GIGYF2: variants seen among roughly 807,000 people sequenced by gnomAD.
GIGYF2 encodes the protein GRB10-interacting GYF protein 2.
A neutral mutation model predicts 208.1 loss-of-function variants in GIGYF2; 25 were observed. That is an observed-to-expected ratio of 0.12 (90% CI 0.09 to 0.17). The LOEUF (loss-of-function observed/expected upper bound fraction) is 0.17. Ranked by LOEUF, GIGYF2 falls within the 10% of genes least tolerant of loss-of-function variation. GIGYF2 has a pLI of 1.00. For missense variants in GIGYF2, 1,302 were observed against 1,579.4 expected, an observed-to-expected ratio of 0.82 and a Z score of 2.98; for synonymous variants, 534 against 543.8, an observed-to-expected ratio of 0.98 and a Z score of 0.25.
intron 8 of GIGYF2, among the ~76,000 whole-genome samples, chr2:232,763,390 A>G (rs1254489493): frequency 6.6e-6 from 1 of 152,200 alleles, no homozygotes; most frequent in Admixed American, 6.5e-5. Context: ...GAAACCACAG[A>G]TAGTACTGAA....
At chr2:232,719,074 ACT>A (rs1574789866) in intron 2 of GIGYF2, 1 of 151,188 alleles carries the variant, frequency 6.6e-6, no homozygotes, top group African/African-American at 2.4e-5. Flanking sequence ...CTCACTGCAA[ACT>A]CTGCCTTCGA....
At chr2:232,833,855 GTGT>G (rs1701499053) in intron 22 of GIGYF2, among the ~76,000 whole-genome samples, 1 of 151,848 alleles carries the variant, frequency 6.6e-6, no homozygotes, top group Admixed American at 6.6e-5. Flanking sequence ...TATATACAAA[GTGT>G]TGTTTTAAAG....
chr2:232,713,524 C>G (rs542465187), intron 2 of GIGYF2, among the ~76,000 whole-genome samples: 1 of 152,166 alleles, frequency 6.6e-6, no homozygotes, highest in Admixed American at 6.5e-5. Flanking sequence ...AATTAATAAA[C>G]CAATGTTGAT....
rs190658093 is a variant in GIGYF2 at position 232,739,463 on chromosome 2, A to G, written c.41+4225A>G. 3.4e-5 allele frequency among the ~76,000 whole-genome samples: 5 copies of G among 148,874 alleles called. No individual in the cohort carries two copies. In the East Asian group the frequency reaches 1.0e-3, roughly 30 times the overall value. Reference sequence around the variant, plus strand: ...AGAGGCATGAGGATCACTTGAGCCCAGAAGTTCGAAACAAGCCTCGGCAAC... The same window carrying G: ...AGAGGCATGAGGATCACTTGAGCCCGGAAGTTCGAAACAAGCCTCGGCAAC... On this transcript the variant is annotated intron_variant, in intron 3 of 28. Coordinates refer to ENST00000373563, the MANE Select transcript of GIGYF2 (RefSeq NM_001103146.3).
At chr2:232,727,455 T>C (rs1697250924) in intron 2 of GIGYF2, among the ~76,000 whole-genome samples, 1 of 152,168 alleles carries the variant, frequency 6.6e-6, no homozygotes, top group South Asian at 2.1e-4. Flanking sequence ...GAATGTGAAG[T>C]ATGGAGGGAT....
chr2:232,703,779 T>G (rs1221140615), intron 2 of GIGYF2, among the ~76,000 whole-genome samples: 1 of 152,230 alleles, frequency 6.6e-6, no homozygotes, highest in Non-Finnish European at 1.5e-5. Flanking sequence ...CAAAGAGCAG[T>G]TGACTTCATG....
chr2:232,714,035 C>T (rs1390192901), intron 2 of GIGYF2, among the ~76,000 whole-genome samples: 4 of 151,272 alleles, frequency 2.6e-5, no homozygotes, highest in Non-Finnish European at 4.4e-5. Flanking sequence ...CTGCAAGCTA[C>T]GCTTCCCGGG....
chr2:232,707,371 A>G (rs1173473051), intron 2 of GIGYF2, among the ~76,000 whole-genome samples: 2 of 152,114 alleles, frequency 1.3e-5, no homozygotes, highest in Admixed American at 6.6e-5. Flanking sequence ...GTACAACAAG[A>G]ATTTGGTTGT....
rs1257467077 is a variant in GIGYF2, at chr2:232,860,485, ACCCTAC to A, written c.*3626_*3631del. The stretch of plus-strand genomic sequence containing the variant: ...TATGTTATATACGTATATATATTGC[ACCCTAC>A]TTTAAAATTGACTGATAACAAAATT... On this transcript the variant is annotated 3_prime_UTR_variant, in exon 29 of 29. Coordinates refer to ENST00000373563, the MANE Select transcript of GIGYF2 (RefSeq NM_001103146.3). The A allele has an allele frequency of 2.6e-5, 4 of 150,964 alleles. No homozygotes were observed. The highest frequency in any genetic ancestry group is 5.9e-5 in the Non-Finnish European group (4 of 67,826). 9.4% of individuals were successfully genotyped at this position (150,964 alleles called of 1,614,324 possible). A position where few individuals can be genotyped will look rare whatever the true frequency, so the allele number is the denominator to read the frequency against.
At chr2:232,735,808 C>G (rs1368151929) in intron 3 of GIGYF2, 1 of 985,506 alleles carries the variant, frequency 1.0e-6, no homozygotes, top group Non-Finnish European at 1.2e-6. Flanking sequence ...ATTTTGAGAT[C>G]CATCACATTG....
intron 8 of GIGYF2, among the ~76,000 whole-genome samples, chr2:232,779,559 A>G (rs1699641970): frequency 6.6e-6 from 1 of 152,162 alleles, no homozygotes; most frequent in South Asian, 2.1e-4. Context: ...GAAGATGCCT[A>G]GTCTCTTTCC....
At chr2:232,768,328 C>T (rs1429317019) in intron 8 of GIGYF2, 1 of 1,614,168 alleles carries the variant, frequency 6.2e-7, no homozygotes, top group Non-Finnish European at 8.5e-7. Flanking sequence ...TCAAAATTCT[C>T]CATCTTGATT....
intron 3 of GIGYF2, among the ~76,000 whole-genome samples, chr2:232,738,949 T>C (rs943109948): frequency 6.6e-5 from 10 of 152,224 alleles, no homozygotes; most frequent in African/African-American, 2.2e-4. Context: ...ATTTTTTTGG[T>C]GCTAAACTCC....
chr2:232,807,191 G>T (rs1293719449), intron 15 of GIGYF2, among the ~76,000 whole-genome samples: 3 of 151,930 alleles, frequency 2.0e-5, no homozygotes, highest in African/African-American at 7.3e-5. Flanking sequence ...ATATTTTTAG[G>T]GCTTAAAAAA....
chr2:232,845,905 A>G lies in GIGYF2; in HGVS notation c.3460+19A>G. Reference sequence around the variant, plus strand: ...TTGGATGGTAAGAATTGGGGAGGGAAACCCGGCATGTGGAATGACAGAGCA... The same window carrying G: ...TTGGATGGTAAGAATTGGGGAGGGAGACCCGGCATGTGGAATGACAGAGCA... On this transcript the variant is annotated intron_variant, in intron 26 of 28. Transcript: ENST00000373563. The G allele has an allele frequency of 6.6e-7, 1 of 1,516,446 alleles. No individual in the cohort carries two copies. The highest frequency in any genetic ancestry group is 1.4e-5 in the African/African-American group (1 of 73,004). 93.9% of individuals were successfully genotyped at this position (1,516,446 alleles called of 1,614,324 possible). A position where few individuals can be genotyped will look rare whatever the true frequency, so the allele number is the denominator to read the frequency against.
intron 2 of GIGYF2, among the ~76,000 whole-genome samples, chr2:232,705,189 T>C (rs1696036431): frequency 6.6e-6 from 1 of 151,986 alleles, no homozygotes; most frequent in Non-Finnish European, 1.5e-5. Context: ...AGTATTAAGC[T>C]ACACTTGAGT....
intron 23 of GIGYF2, among the ~76,000 whole-genome samples, chr2:232,841,461 ATTTTT>A (rs57307878): frequency 5.8e-5 from 8 of 138,796 alleles, no homozygotes; most frequent in African/African-American, 2.1e-4. Context: ...ACCACCAGCT[ATTTTT>A]TTTTTTTTTT....
chr2:232,725,923 G>A (rs192786139), intron 2 of GIGYF2, among the ~76,000 whole-genome samples: 1 of 152,332 alleles, frequency 6.6e-6, no homozygotes, highest in Admixed American at 6.5e-5. Context: ...TATATGAAGT[G>A]TGTTATTCTG....
At chr2:232,820,157 A>C (rs1701031707) in intron 21 of GIGYF2, among the ~76,000 whole-genome samples, 172 bp downstream of exon 21, 2 of 151,896 alleles carry the variant, frequency 1.3e-5, no homozygotes, top group East Asian at 1.9e-4. Flanking sequence ...TCAAATGAAA[A>C]CCTGTTTTCT....
Sources: allele counts gnomAD v4.1 joint callset (sites outside exome capture counted in the v4.1 genomes callset), GRCh38; gene constraint gnomAD v4.1.1; transcripts MANE v1.5; gene names NCBI Gene and HGNC (gene_info 2026-07-23, HGNC 2026-07-21).